SIGLEC1: variants seen among roughly 807,000 people sequenced by gnomAD.
The protein encoded by SIGLEC1 is sialoadhesin.
SIGLEC1 carries 132 observed loss-of-function variants against 148.0 expected under a neutral mutation model. The observed-to-expected ratio is 0.89, with a 90% CI of 0.77 to 1.03. SIGLEC1 has a LOEUF of 1.03. Among genes scored for constraint, SIGLEC1 ranks in the 50% least tolerant of loss-of-function variants. SIGLEC1 has a pLI of 0.00. For missense variants in SIGLEC1, 2,253 were observed against 2,271.4 expected (o/e 0.99, Z 0.16); for synonymous variants, 945 against 969.0 (o/e 0.98, Z 0.46).
intron 7 of SIGLEC1, among the ~76,000 whole-genome samples, chr20:3,700,583 C>CA (rs1326164224): frequency 6.6e-6 from 1 of 151,686 alleles, no homozygotes; most frequent in Non-Finnish European, 1.5e-5. Flanking sequence ...CACCCTATCT[C>CA]AAAAAACAAA....
intron 19 of SIGLEC1, 129 bp downstream of exon 19, chr20:3,689,833 C>T (rs560266694): frequency 2.1e-5 from 25 of 1,166,898 alleles, no homozygotes; most frequent in Admixed American, 1.7e-4. Context: ...AAGGGTGCCC[C>T]GAGCAATCAG....
rs1600287445 is a variant in SIGLEC1 at position 3,701,473 on chromosome 20, C to A, written c.1397G>T (p.Ser466Ile). The A allele has an allele frequency of 1.2e-6, 2 of 1,613,986 alleles. No individual in the cohort carries two copies. Among genetic ancestry groups the A allele is most frequent in the East Asian group, 4.5e-5 (2 of 44,896 alleles). Residue 466 changes from serine (S) to isoleucine (I), a missense_variant, in exon 7 of 22, where the codon AGT becomes ATT. Ser to Ile is a moderately radical substitution (Grantham distance 142, BLOSUM62 -2). Coordinates refer to ENST00000344754, the MANE Select transcript of SIGLEC1 (RefSeq NM_023068.4). ...SGDSDHSPRF[S>I]GTSGPNSLRL... Reference sequence around the variant, plus strand: ...CAGGGAGTTGGGACCAGAGGTACCACTGAAGCGTGGGCTGTGATCACTGTC... The same window carrying A: ...CAGGGAGTTGGGACCAGAGGTACCAATGAAGCGTGGGCTGTGATCACTGTC...
intron 8 of SIGLEC1, among the ~76,000 whole-genome samples, 174 bp downstream of exon 8, chr20:3,699,028 A>C (rs1203788985): frequency 6.6e-6 from 1 of 152,220 alleles, no homozygotes. Context: ...AGAAGGCCCC[A>C]GCCTCATTTC....
intron 13 of SIGLEC1, 92 bp downstream of exon 13, chr20:3,694,129 C>G (rs1352561589): frequency 1.5e-6 from 2 of 1,377,734 alleles, no homozygotes; most frequent in Non-Finnish European, 2.0e-6. Context: ...TTCCCGTGCC[C>G]CCAGGCTTCT....
At chr20:3,704,594 C>A (rs2087878996) in intron 4 of SIGLEC1, among the ~76,000 whole-genome samples, 1 of 152,204 alleles carries the variant, frequency 6.6e-6, no homozygotes, top group African/African-American at 2.4e-5. Context: ...TGTTCCAAAG[C>A]CTCTCTCTGT....
At chr20:3,694,174 GACACACACACACACACAC>G (rs59383643) in intron 13 of SIGLEC1, 29 bp downstream of exon 13, 18 of 1,165,602 alleles carry the variant, frequency 1.5e-5, no homozygotes, top group African/African-American at 6.1e-5. Context: ...TCTTTTAAAG[GACACACACACACACACAC>G]ACACACACAC....
chr20:3,691,557 G>T lies in SIGLEC1; in HGVS notation c.4374C>A (p.Gly1458=), dbSNP rs759390751. ...VAEPGLDVPE[G]AALNLSCRLL... ...GGCGGCAGCTGAGGTTCAGGGCAGC[G>T]CCCTCAGGCACGTCCAGGCCAGGCT... is the stretch of plus-strand genomic sequence containing the variant. The change falls in exon 18 of 22, where the codon GGC becomes GGA. Residue 1458 remains glycine, a synonymous_variant. Coordinates refer to ENST00000344754, the MANE Select transcript of SIGLEC1 (RefSeq NM_023068.4). The T allele has an allele frequency of 6.2e-7, 1 of 1,613,028 alleles. No individual in the cohort carries two copies.
At position 3,701,653 on chromosome 20, in the gene SIGLEC1, C is replaced by T. The variant is rs748512221; in HGVS notation, c.1229-12G>A. 2.0e-5 allele frequency: 31 copies of T among 1,539,450 alleles called. No individual in the cohort carries two copies. The highest frequency in any genetic ancestry group is 3.8e-5 in the South Asian group (3 of 79,368). On this transcript the variant is annotated splice_polypyrimidine_tract_variant and intron_variant, in intron 6 of 21. Transcript: ENST00000344754. ...AGTGAGAGGCGGGTCTGTGTGGAGA[C>T]GAGAGGTGGGCCTGTCACCCTCAGA... is the stretch of plus-strand genomic sequence containing the variant.
At chr20:3,689,939 G>T (rs1680663828) in intron 19 of SIGLEC1, 23 bp downstream of exon 19, 1 of 1,594,742 alleles carries the variant, frequency 6.3e-7, no homozygotes, top group Admixed American at 1.7e-5. Flanking sequence ...AGTGGCCTGG[G>T]AGATGGAGCC....
At chr20:3,707,312 T>C (rs796149449) in intron 1 of SIGLEC1, among the ~76,000 whole-genome samples, 75 bp from the exon 2 acceptor site, 2 of 152,334 alleles carry the variant, frequency 1.3e-5, no homozygotes, top group African/African-American at 4.8e-5. Context: ...TAAAGACCTC[T>C]GAGTCAGACA....
At chr20:3,707,997 G>A (rs754667743) in intron 1 of SIGLEC1, among the ~76,000 whole-genome samples, 1 of 152,262 alleles carries the variant, frequency 6.6e-6, no homozygotes, top group Non-Finnish European at 1.5e-5. Context: ...TTTACAGCTT[G>A]TGAGAGCCCA....
chr20:3,698,298 A>AACTCAAGCTAGGCTCATGCT (rs1348484295), intron 8 of SIGLEC1, among the ~76,000 whole-genome samples, 165 bp from the exon 9 acceptor site: 1 of 152,238 alleles, frequency 6.6e-6, no homozygotes, highest in African/African-American at 2.4e-5. Flanking sequence ...GGGTGGGTGG[A>AACTCAAGCTAGGCTCATGCT]ACTCAAGCTA....
rs747769398 is a variant in SIGLEC1, at chr20:3,696,722, C to A, written c.2547G>T (p.Arg849=). The A allele has an allele frequency of 1.2e-6, 2 of 1,613,674 alleles. No homozygotes were observed. The highest frequency in any genetic ancestry group is 1.7e-6 in the Non-Finnish European group (2 of 1,180,038). Residue 849 remains arginine (R), a synonymous_variant, in exon 11 of 22, where the codon CGG becomes CGT. Coordinates refer to ENST00000344754, the MANE Select transcript of SIGLEC1 (RefSeq NM_023068.4). The part of the protein sequence containing the change: ...SLGPQVPSHG[R]FQAKAEANSL... ...AGTTGGCCTCAGCTTTAGCCTGGAACCGACCATGGGATGGGACCTGGGGAC... is the reference window on the plus strand; with the variant it reads ...AGTTGGCCTCAGCTTTAGCCTGGAAACGACCATGGGATGGGACCTGGGGAC...
chr20:3,692,986 G>A lies in SIGLEC1; in HGVS notation c.3654C>T (p.Ala1218=). ...CCAGGCGCAGGGTGTTGGGGACAGAGGCTGCTGTCGAGGAGGCCAAGAGGC... is the reference window on the plus strand; with the variant it reads ...CCAGGCGCAGGGTGTTGGGGACAGAAGCTGCTGTCGAGGAGGCCAAGAGGC... ...AGRLLASSTA[A]SVPNTLRLEL... The change falls in exon 15 of 22, where the codon GCC becomes GCT. Residue 1218 remains alanine (A), a synonymous_variant. Coordinates refer to ENST00000344754, the MANE Select transcript of SIGLEC1 (RefSeq NM_023068.4). The A allele has an allele frequency of 6.2e-7, 1 of 1,612,480 alleles. No homozygotes were observed. The highest frequency in any genetic ancestry group is 8.5e-7 in the Non-Finnish European group (1 of 1,179,826).
rs1362701343 is a variant in SIGLEC1 at position 3,697,941 on chromosome 20, G to C, written c.1979C>G (p.Ser660Cys). 5.0e-6 allele frequency: 8 copies of C among 1,612,766 alleles called. No individual in the cohort carries two copies. The African/African-American group carries it at 9.3e-5, about 19-fold the overall frequency. ...GGCTTTGGTGACCTTCATGCGTGGG[G>C]AACAGCCCCCACAGGTGCTGCAGCC... The part of the protein sequence containing the change: ...GGGCSTCGGC[S>C]PRMKVTKAPN... The change falls in exon 9 of 22, where the codon TCC (serine) becomes TGC (cysteine). Residue 660 changes from serine (S) to cysteine (C), a missense_variant. Coordinates refer to ENST00000344754, the MANE Select transcript of SIGLEC1 (RefSeq NM_023068.4).
Position 3,694,738 on chromosome 20 carries a change from C to A in SIGLEC1, c.2869G>T (p.Ala957Ser), listed in dbSNP as rs919181699. Residue 957 changes from alanine (A) to serine (S), a missense_variant, in exon 12 of 22, where the codon GCC (alanine) becomes TCC (serine). Physicochemically the swap from Ala to Ser is moderately conservative, Grantham distance 99. Coordinates refer to ENST00000344754, the MANE Select transcript of SIGLEC1 (RefSeq NM_023068.4). ...GGGGCCTGGGCTTGGCAATGATAGG[C>A]CCCAGCTTGTGTCAAAGTTATGGCT... is the stretch of plus-strand genomic sequence containing the variant. Reference protein sequence around the residue: ...FAAITLTQAGAYHCQAQAPGS... With the variant: ...FAAITLTQAGSYHCQAQAPGS... The A allele has an allele frequency of 3.7e-6, 6 of 1,613,844 alleles. No homozygotes were observed. In the Admixed American group the frequency reaches 8.3e-5, roughly 22 times the overall value.
chr20:3,712,372 C>G (rs111387207), intron 1 of SIGLEC1, among the ~76,000 whole-genome samples, 98 bp downstream of exon 1: 2 of 151,490 alleles, frequency 1.3e-5, no homozygotes, highest in African/African-American at 4.9e-5. Flanking sequence ...GGAGCCCCCC[C>G]CCGACCCCTG....
Position 3,696,576 on chromosome 20 carries a change from T to C in SIGLEC1, c.2683+10A>G. 6.3e-7 allele frequency: 1 copy of C among 1,596,006 alleles called. No homozygotes were observed. Among genetic ancestry groups the C allele is most frequent in the East Asian group, 2.2e-5 (1 of 44,648 alleles). ...AGAGTCTACCATATCTTCAGAAGAC[T>C]GACACTCACCTCGGACCTGGAAGAA... On this transcript the variant is annotated intron_variant, in intron 11 of 21. Transcript: ENST00000344754.
chr20:3,692,640 C>A lies in SIGLEC1; in HGVS notation c.3911G>T (p.Gly1304Val). ...WYHNGRWLQE[G>V]PAASLSFLVA... is the part of the protein sequence containing the mutation. ...CAGGAATGAGAGTGAGGCAGCTGGA[C>A]CCTCCTGCAGCCAACGACCGTTGTG... The change falls in exon 16 of 22, where the codon GGT becomes GTT. Residue 1304 changes from glycine (G) to valine (V), a missense_variant. Coordinates refer to ENST00000344754, the MANE Select transcript of SIGLEC1 (RefSeq NM_023068.4). 6.2e-7 allele frequency: 1 copy of A among 1,613,094 alleles called. No homozygotes were observed. Among genetic ancestry groups the A allele is most frequent in the Non-Finnish European group, 8.5e-7 (1 of 1,180,026 alleles).
Sources: gnomAD v4.1 joint callset for allele counts (sites outside exome capture counted in the v4.1 genomes callset) on GRCh38, gnomAD v4.1.1 for gene constraint, MANE v1.5 for transcripts, NCBI Gene and HGNC (gene_info 2026-07-23, HGNC 2026-07-21) for gene names.